BICDL2: variants seen among roughly 807,000 people sequenced by gnomAD.
BICDL2 encodes BICD family-like cargo adapter 2.
Under a neutral mutation model 56.6 loss-of-function variants are expected in BICDL2, and 62 were observed. The observed-to-expected ratio is 1.10, with a 90% CI of 0.89 to 1.35. BICDL2 has a LOEUF of 1.35. Ranked by LOEUF, BICDL2 falls within the 40% of genes most tolerant of loss-of-function variation. The pLI is 0.00. For synonymous variants in BICDL2, 358 were observed against 319.8 expected (o/e 1.12, Z -1.27); for missense variants, 808 against 684.5 (o/e 1.18, Z -2.01).
chr16:3,034,692 C>CCTTCCTTCCTTCCTTT (rs1491146167), intron 2 of BICDL2, among the ~76,000 whole-genome samples: 1 of 115,402 alleles, frequency 8.7e-6, no homozygotes, highest in Non-Finnish European at 1.8e-5. Context: ...TTCCTTCCTT[C>CCTTCCTTCCTTCCTTT]CCCTTCCTTC....
Position 3,028,071 on chromosome 16 carries a change from C to G in BICDL2, c.*35G>C, listed in dbSNP as rs1190493092. 1 of 1,398,912 alleles carries G rather than the reference C, an allele frequency of 7.1e-7. No individual in the cohort carries two copies. The highest frequency in any genetic ancestry group is 9.3e-7 in the Non-Finnish European group (1 of 1,078,192). The allele number at this position is 1,398,912 out of a possible 1,614,324, so 86.7% of individuals were successfully genotyped here. On this transcript the variant is annotated 3_prime_UTR_variant, in exon 10 of 10. Coordinates refer to ENST00000572449, the MANE Select transcript of BICDL2 (RefSeq NM_001369667.1). Reference sequence around the variant, plus strand: ...TTGGCCTGAAGAGGAAAGTGAGCCCCTAAGTGGGCAAGGGCAGCCCTCTGG... The same window carrying G: ...TTGGCCTGAAGAGGAAAGTGAGCCCGTAAGTGGGCAAGGGCAGCCCTCTGG...
chr16:3,028,941 C>A (rs984845333), intron 7 of BICDL2, 111 bp from the exon 8 acceptor site: 1 of 1,357,932 alleles, frequency 7.4e-7, no homozygotes, highest in Non-Finnish European at 9.9e-7. Context: ...GCGACAGACA[C>A]CCCAGGCAGC....
At chr16:3,036,359 C>T (rs562785991) in intron 1 of BICDL2, 1 of 448,492 alleles carries the variant, frequency 2.2e-6, no homozygotes, top group South Asian at 1.6e-5. Flanking sequence ...GCCCTGGGCT[C>T]CCCTAGGGCG....
intron 2 of BICDL2, among the ~76,000 whole-genome samples, chr16:3,034,658 C>CTCCTTCCTTCCTTCCTTCCT (rs113820545): frequency 0.016 from 2,062 of 128,814 alleles, 40 homozygotes; most frequent in African/African-American, 0.032. Flanking sequence ...TTCTTTCTCT[C>CTCCTTCCTTCCTTCCTTCCT]TCCTTCCTTC....
chr16:3,028,121 G>C lies in BICDL2; in HGVS notation c.1512C>G (p.Leu504=). 1 of 1,435,882 alleles carries C rather than the reference G, an allele frequency of 7.0e-7. No individual in the cohort carries two copies. The highest frequency in any genetic ancestry group is 1.8e-4 in the Middle Eastern group (1 of 5,472). 88.9% of individuals were successfully genotyped at this position (1,435,882 alleles called of 1,614,324 possible). A position where few individuals can be genotyped will look rare whatever the true frequency, so the allele number is the denominator to read the frequency against. The change falls in exon 10 of 10, where the codon CTC becomes CTG. Residue 504 remains leucine, a synonymous_variant. Transcript: ENST00000572449. The part of the protein sequence containing the change: ...PGPAGGFLSN[L]FRRT ...GGCCCAGCCGTCAGGTCCTTCGGAA[G>C]AGGTTACTGAGAAAGCCACCGGCGG... is the stretch of plus-strand genomic sequence containing the variant.
At chr16:3,030,392 C>T in intron 5 of BICDL2, 57 bp downstream of exon 5, 1 of 1,570,938 alleles carries the variant, frequency 6.4e-7, no homozygotes. Context: ...TCCCAGAAAG[C>T]CCTGAAGCCA....
At position 3,027,709 on chromosome 16, in the gene BICDL2, C is replaced by CTTT; in HGVS notation, c.*394_*396dup. 21 of 1,350,064 alleles carry CTTT rather than the reference C, an allele frequency of 1.6e-5. No homozygotes were observed. The highest frequency in any genetic ancestry group is 1.7e-5 in the Non-Finnish European group (17 of 1,008,862). 83.6% of individuals were successfully genotyped at this position (1,350,064 alleles called of 1,614,324 possible). Reference sequence around the variant, plus strand: ...AGGGTTTTAGAGTGTTTTTCATTTTCTTTTTTTTTTTTTTTTTACAATAAA... The same window carrying CTTT: ...AGGGTTTTAGAGTGTTTTTCATTTTCTTTTTTTTTTTTTTTTTTTTACAATAAA... On this transcript the variant is annotated 3_prime_UTR_variant, in exon 10 of 10. Transcript: ENST00000572449.
chr16:3,028,689 TTGAGG>T lies in BICDL2; in HGVS notation c.1238+6_1238+10del. On this transcript the variant is annotated splice_donor_region_variant and intron_variant, in intron 8 of 9. Transcript: ENST00000572449. ...GGGCGCTGGGGCGGTGGTCAATGGC[TTGAGG>T]CTTACTTGTTCACGGCCTCGTCCCG... 1 of 1,569,432 alleles carries T rather than the reference TTGAGG, an allele frequency of 6.4e-7. No individual in the cohort carries two copies. The highest frequency in any genetic ancestry group is 1.2e-5 in the South Asian group (1 of 85,402).
chr16:3,028,673 G>T, intron 8 of BICDL2, 27 bp downstream of exon 8: 1 of 1,561,592 alleles, frequency 6.4e-7, no homozygotes, highest in Non-Finnish European at 8.7e-7. Flanking sequence ...AGGGCGCTGG[G>T]GCGGTGGTCA....
At position 3,027,714 on chromosome 16, in the gene BICDL2, T is replaced by C. The variant is rs930905008; in HGVS notation, c.*392A>G. 69 of 1,427,796 alleles carry C rather than the reference T, an allele frequency of 4.8e-5. No individual in the cohort carries two copies. In the African/African-American group the frequency reaches 6.0e-4, roughly 13 times the overall value. 88.4% of individuals were successfully genotyped at this position (1,427,796 alleles called of 1,614,324 possible). A position where few individuals can be genotyped will look rare whatever the true frequency, so the allele number is the denominator to read the frequency against. ...TTTAGAGTGTTTTTCATTTTCTTTT[T>C]TTTTTTTTTTTTACAATAAAGTTTC... On this transcript the variant is annotated 3_prime_UTR_variant, in exon 10 of 10. Transcript: ENST00000572449.
chr16:3,035,093 G>C, intron 2 of BICDL2, 122 bp downstream of exon 2: 2 of 1,026,510 alleles, frequency 1.9e-6, no homozygotes. Context: ...TGCCCCCCTC[G>C]CCCGGCTGTC....
rs1955578365 is a variant in BICDL2 at position 3,028,234 on chromosome 16, G to A, written c.1399C>T (p.Gln467Ter). The change falls in exon 10 of 10, where the codon CAG (glutamine) becomes TAG (stop). Residue 467 changes from glutamine to a stop codon, truncating the protein, a stop_gained. Transcript: ENST00000572449. LOFTEE classifies it low-confidence loss of function (END_TRUNC). ...GAGGCGCTCAGCTCCTTCTGGCGCT[G>A]TGAGCGCAGCTGCTGCCCGATCACC... ...QVVIGQQLRS[Q>*]RQKELSASAS... 1 of 1,472,494 alleles carries A rather than the reference G, an allele frequency of 6.8e-7. No homozygotes were observed. The highest frequency in any genetic ancestry group is 8.9e-7 in the Non-Finnish European group (1 of 1,123,732). The allele number at this position is 1,472,494 out of a possible 1,614,324, so 91.2% of individuals were successfully genotyped here. A position where few individuals can be genotyped will look rare whatever the true frequency, so the allele number is the denominator to read the frequency against.
Position 3,029,645 on chromosome 16 carries a change from T to A in BICDL2, c.857A>T (p.Gln286Leu). 1 of 1,535,402 alleles carries A rather than the reference T, an allele frequency of 6.5e-7. No individual in the cohort carries two copies. Among genetic ancestry groups the A allele is most frequent in the Non-Finnish European group, 8.7e-7 (1 of 1,145,470 alleles). ...CGAGGCAGCCGACACGTCGGCGTCCTGGAGGCGTGACTCCTCCTCCAGCTC... is the reference window on the plus strand; with the variant it reads ...CGAGGCAGCCGACACGTCGGCGTCCAGGAGGCGTGACTCCTCCTCCAGCTC... ...VSELEEESRL[Q>L]DADVSAASLQ... The change falls in exon 6 of 10, where the codon CAG becomes CTG. Residue 286 changes from glutamine (Q) to leucine (L), a missense_variant. By Grantham distance (113) the Gln-to-Leu change is moderately radical. Transcript: ENST00000572449.
At position 3,027,905 on chromosome 16, in the gene BICDL2, G is replaced by C. The variant is rs1188870380; in HGVS notation, c.*201C>G. ...AAAATAGCTCTGTTCACCTGCCCCTGCCACCCACCTGGAGCTCCTGCCCCA... is the reference window on the plus strand; with the variant it reads ...AAAATAGCTCTGTTCACCTGCCCCTCCCACCCACCTGGAGCTCCTGCCCCA... On this transcript the variant is annotated 3_prime_UTR_variant, in exon 10 of 10. Coordinates refer to ENST00000572449, the MANE Select transcript of BICDL2 (RefSeq NM_001369667.1). The C allele has an allele frequency of 9.2e-6, 8 of 873,832 alleles. No individual in the cohort carries two copies. Among genetic ancestry groups the C allele is most frequent in the African/African-American group, 1.8e-5 (1 of 56,186 alleles). 54.1% of individuals were successfully genotyped at this position (873,832 alleles called of 1,614,324 possible). A position where few individuals can be genotyped will look rare whatever the true frequency, so the allele number is the denominator to read the frequency against.
chr16:3,034,688 CCT>C (rs1955704099), intron 2 of BICDL2, among the ~76,000 whole-genome samples: 1 of 132,764 alleles, frequency 7.5e-6, no homozygotes, highest in African/African-American at 2.8e-5. Context: ...TTCCTTCCTT[CCT>C]TCCCCTTCCT....
At position 3,028,904 on chromosome 16, in the gene BICDL2, C is replaced by G. The variant is rs965888623; in HGVS notation, c.1108-74G>C. 3 of 1,483,048 alleles carry G rather than the reference C, an allele frequency of 2.0e-6. No individual in the cohort carries two copies. In the African/African-American group the frequency reaches 4.2e-5, roughly 21 times the overall value. The allele number at this position is 1,483,048 out of a possible 1,614,324, so 91.9% of individuals were successfully genotyped here. A position where few individuals can be genotyped will look rare whatever the true frequency, so the allele number is the denominator to read the frequency against. On this transcript the variant is annotated intron_variant, in intron 7 of 9. Transcript: ENST00000572449. Reference sequence around the variant, plus strand: ...CCTGCTTCTCCCAGCAGCCCCGACTCTGGCTCTCCCCACCCCTCCTCTGCC... The same window carrying G: ...CCTGCTTCTCCCAGCAGCCCCGACTGTGGCTCTCCCCACCCCTCCTCTGCC...
chr16:3,028,312 C>T (rs1199044401), intron 9 of BICDL2, 36 bp downstream of exon 9: 4 of 1,539,320 alleles, frequency 2.6e-6, no homozygotes, highest in South Asian at 2.4e-5. Flanking sequence ...CGGTCCCGCC[C>T]CTTGCCCCGC....
At chr16:3,035,857 G>T (rs919653753) in intron 1 of BICDL2, 2 of 329,044 alleles carry the variant, frequency 6.1e-6, no homozygotes, top group South Asian at 3.4e-5. Context: ...AGTTTGGCTT[G>T]TAGCCCCTCG....
At chr16:3,034,294 T>C (rs1955698015) in intron 2 of BICDL2, among the ~76,000 whole-genome samples, 1 of 152,172 alleles carries the variant, frequency 6.6e-6, no homozygotes, top group Non-Finnish European at 1.5e-5. Flanking sequence ...GTTTTTGTTT[T>C]TTGAGATGCA....
Sources: gnomAD v4.1 joint callset for allele counts (sites outside exome capture counted in the v4.1 genomes callset) on GRCh38, gnomAD v4.1.1 for gene constraint, MANE v1.5 for transcripts, NCBI Gene and HGNC (gene_info 2026-07-23, HGNC 2026-07-21) for gene names.